TTC27: variants seen among roughly 807,000 people sequenced by gnomAD.
TTC27 encodes tetratricopeptide repeat protein 27.
A neutral mutation model predicts 115.9 loss-of-function variants in TTC27; 79 were observed. The observed-to-expected ratio is 0.68, with a 90% confidence interval of 0.57 to 0.82. TTC27 has a LOEUF of 0.82. Among genes scored for constraint, TTC27 ranks in the 40% least tolerant of loss-of-function variants. TTC27 has a pLI of 0.00. For synonymous variants in TTC27, 401 were observed against 356.0 expected (o/e 1.13, Z -1.42); for missense variants, 1,054 against 993.1 (o/e 1.06, Z -0.82).
intron 9 of TTC27, among the ~76,000 whole-genome samples, chr2:32,687,932 G>A (rs566716961): frequency 6.6e-6 from 1 of 152,194 alleles, no homozygotes; most frequent in East Asian, 1.9e-4. Flanking sequence ...TAGATAAATG[G>A]CAACATCAGC....
intron 4 of TTC27, among the ~76,000 whole-genome samples, chr2:32,646,236 G>T (rs1307850243): frequency 6.6e-6 from 1 of 150,564 alleles, no homozygotes; most frequent in Non-Finnish European, 1.5e-5. Flanking sequence ...CACCATGTTA[G>T]CCCAGATGGT....
intron 13 of TTC27, among the ~76,000 whole-genome samples, chr2:32,762,652 G>A (rs1474278071): frequency 2.7e-5 from 4 of 149,256 alleles, no homozygotes; most frequent in African/African-American, 9.9e-5. Context: ...TTTGTTTTTT[G>A]AGATGGAGTC....
chr2:32,662,955 C>T (rs572917863), intron 5 of TTC27, among the ~76,000 whole-genome samples: 6 of 152,156 alleles, frequency 3.9e-5, no homozygotes, highest in Non-Finnish European at 7.4e-5. Flanking sequence ...TAGCTGTGTC[C>T]AGAGATTCTT....
chr2:32,667,534 A>G (rs1159325868), intron 7 of TTC27, among the ~76,000 whole-genome samples: 1 of 149,346 alleles, frequency 6.7e-6, no homozygotes, highest in Admixed American at 6.8e-5. Flanking sequence ...CTCCTGCCTC[A>G]GCCTCCCGAG....
intron 10 of TTC27, among the ~76,000 whole-genome samples, chr2:32,711,590 T>G (rs1003783023): frequency 2.0e-5 from 3 of 152,210 alleles, no homozygotes; most frequent in African/African-American, 7.2e-5. Context: ...TTTTAGTTTC[T>G]ATGAAAATCT....
At chr2:32,755,051 A>G (rs1669171826) in intron 12 of TTC27, among the ~76,000 whole-genome samples, 1 of 150,722 alleles carries the variant, frequency 6.6e-6, no homozygotes, top group Non-Finnish European at 1.5e-5. Flanking sequence ...GGGTCTCCAC[A>G]CTTCTCAGAC....
chr2:32,774,235 G>A (rs1669923037), intron 13 of TTC27, among the ~76,000 whole-genome samples: 1 of 147,068 alleles, frequency 6.8e-6, no homozygotes, highest in South Asian at 2.2e-4. Context: ...AGGCCAGAGT[G>A]CAGTGGCGTG....
intron 16 of TTC27, among the ~76,000 whole-genome samples, chr2:32,798,909 G>T (rs559805581): frequency 6.6e-6 from 1 of 152,080 alleles, no homozygotes; most frequent in Non-Finnish European, 1.5e-5. Flanking sequence ...AGAATTTAAA[G>T]CAGGATCTCA....
chr2:32,665,673 T>C (rs1356250720), intron 6 of TTC27, among the ~76,000 whole-genome samples: 1 of 152,148 alleles, frequency 6.6e-6, no homozygotes, highest in Non-Finnish European at 1.5e-5. Context: ...GGCGGGCAGA[T>C]CATGAGGTCA....
rs566433053 is a variant in TTC27 at position 32,767,460 on chromosome 2, T to TTTG, written c.1680+8943_1680+8944insGTT. Among the ~76,000 whole-genome samples, 1,106 of 142,182 alleles carry TTTG rather than the reference T, an allele frequency of 7.8e-3. 22 individuals are homozygous for TTTG. The highest frequency in any genetic ancestry group is 0.027 in the African/African-American group (1,038 of 38,812). 93.3% of individuals were successfully genotyped at this position (142,182 alleles called of 152,430 possible). On this transcript the variant is annotated intron_variant, in intron 13 of 19. Transcript: ENST00000317907. ...ATTTATAAGTTTTTTTTTGTTTTTT[T>TTTG]TTTTTTTTTTGAGACAGAGTCTCGC...
chr2:32,735,574 G>A (rs1277547776), intron 11 of TTC27, among the ~76,000 whole-genome samples: 1 of 152,072 alleles, frequency 6.6e-6, no homozygotes, highest in Non-Finnish European at 1.5e-5. Flanking sequence ...ACTTTTTCTT[G>A]CATCATGGGG....
At chr2:32,779,232 A>AC (rs907593913) in intron 14 of TTC27, among the ~76,000 whole-genome samples, 2 of 151,850 alleles carry the variant, frequency 1.3e-5, no homozygotes, top group African/African-American at 4.8e-5. Flanking sequence ...CAAAAAAAAA[A>AC]CAAACAAATA....
chr2:32,680,933 C>A (rs1359273252), intron 9 of TTC27, among the ~76,000 whole-genome samples: 1 of 152,066 alleles, frequency 6.6e-6, no homozygotes, highest in Non-Finnish European at 1.5e-5. Flanking sequence ...ATTCTCCTTC[C>A]CTTGCACTGT....
chr2:32,720,670 T>G (rs963443445), intron 10 of TTC27, among the ~76,000 whole-genome samples: 1 of 152,196 alleles, frequency 6.6e-6, no homozygotes, highest in Non-Finnish European at 1.5e-5. Flanking sequence ...AATAGTGAAT[T>G]AATGCATAAT....
At chr2:32,749,031 G>C (rs1160391694) in intron 12 of TTC27, among the ~76,000 whole-genome samples, 1 of 152,150 alleles carries the variant, frequency 6.6e-6, no homozygotes, top group Non-Finnish European at 1.5e-5. Context: ...ACTTAAGATA[G>C]TTGATTTTAA....
chr2:32,674,539 T>G (rs1222582635), intron 8 of TTC27, among the ~76,000 whole-genome samples: 1 of 152,240 alleles, frequency 6.6e-6, no homozygotes, highest in Non-Finnish European at 1.5e-5. Context: ...TAAGTTTTCT[T>G]TTATATAAAA....
At chr2:32,671,163 C>G (rs759276705) in intron 7 of TTC27, among the ~76,000 whole-genome samples, 2 of 152,004 alleles carry the variant, frequency 1.3e-5, no homozygotes, top group African/African-American at 2.4e-5. Context: ...GACTGCCTTT[C>G]CATCTCAGGG....
chr2:32,651,635 G>T (rs1462015822), intron 5 of TTC27, among the ~76,000 whole-genome samples: 1 of 152,200 alleles, frequency 6.6e-6, no homozygotes, highest in Non-Finnish European at 1.5e-5. Flanking sequence ...TCGAGCCACT[G>T]CGCCCGGCGT....
At chr2:32,736,918 A>C in intron 12 of TTC27, 102 bp downstream of exon 12, 1 of 1,407,376 alleles carries the variant, frequency 7.1e-7, no homozygotes, top group South Asian at 1.5e-5. Flanking sequence ...ATATTCACTT[A>C]TATTCCTTTT....
Sources: allele counts gnomAD v4.1 joint callset (sites outside exome capture counted in the v4.1 genomes callset), GRCh38; gene constraint gnomAD v4.1.1; transcripts MANE v1.5; gene names NCBI Gene and HGNC (gene_info 2026-07-23, HGNC 2026-07-21).